Variants in SGCD observed in about 807,000 individuals in gnomAD.
SGCD encodes the protein sarcoglycan delta.
Under a neutral mutation model 36.6 loss-of-function variants are expected in SGCD, and 18 were observed. The observed-to-expected ratio is 0.49, with a 90% confidence interval of 0.34 to 0.73. The LOEUF is 0.73. Ranked by LOEUF, SGCD falls within the 30% of genes least tolerant of loss-of-function variation. The probability of loss-of-function intolerance (pLI) is 0.01; values close to 1 mark genes in which losing one functional copy is unlikely to be tolerated. For missense variants in SGCD, 387 were observed against 346.7 expected (o/e 1.12, Z -0.92); for synonymous variants, 133 against 130.6 (o/e 1.02, Z -0.12).
chr5:156,076,402 G>A (rs1372192398), intron 1 of SGCD, among the ~76,000 whole-genome samples: 1 of 151,936 alleles, frequency 6.6e-6, no homozygotes, highest in Non-Finnish European at 1.5e-5. Flanking sequence ...ATTTTATGTA[G>A]TGTATGATAT....
the SGCD span, among the ~76,000 whole-genome samples, chr5:155,768,248 T>TTTTTG: frequency 1.3e-5 from 2 of 149,676 alleles, no homozygotes; most frequent in Admixed American, 6.7e-5. Context: ...ATATTGGTAG[T>TTTTTG]TTTTGTTTTG....
chr5:156,261,407 C>A (rs1341351270), intron 3 of SGCD, among the ~76,000 whole-genome samples: 1 of 152,156 alleles, frequency 6.6e-6, no homozygotes, highest in African/African-American at 2.4e-5. Context: ...ACCACATATA[C>A]TATGGTGGCC....
At chr5:156,204,774 T>C (rs1561564117) in intron 3 of SGCD, among the ~76,000 whole-genome samples, 2 of 152,110 alleles carry the variant, frequency 1.3e-5, no homozygotes, top group South Asian at 4.1e-4. Context: ...ATCTTCACAA[T>C]TGGAGAGGCA....
chr5:156,091,894 G>A (rs1438213935), intron 1 of SGCD, among the ~76,000 whole-genome samples: 2 of 152,338 alleles, frequency 1.3e-5, no homozygotes, highest in South Asian at 2.1e-4. Context: ...CTAAAGGCAG[G>A]GGGCCACCCC....
chr5:156,135,660 C>T (rs1762438444), intron 3 of SGCD, among the ~76,000 whole-genome samples: 1 of 152,146 alleles, frequency 6.6e-6, no homozygotes, highest in Non-Finnish European at 1.5e-5. Flanking sequence ...AAAAGTTTAG[C>T]AAGCTACCAG....
intron 3 of SGCD, among the ~76,000 whole-genome samples, chr5:156,413,926 G>C (rs1372538785): frequency 6.6e-6 from 1 of 152,098 alleles, no homozygotes; most frequent in Non-Finnish European, 1.5e-5. Flanking sequence ...CTGAGGTTTT[G>C]GAGATGAAAG....
At chr5:156,174,978 C>A (rs1459599531) in intron 3 of SGCD, among the ~76,000 whole-genome samples, 2 of 152,026 alleles carry the variant, frequency 1.3e-5, no homozygotes, top group Non-Finnish European at 2.9e-5. Context: ...AAAAAAAGAT[C>A]AAAATGTAAG....
At chr5:156,410,121 G>T (rs1772660948) in intron 3 of SGCD, among the ~76,000 whole-genome samples, 1 of 152,070 alleles carries the variant, frequency 6.6e-6, no homozygotes, top group Non-Finnish European at 1.5e-5. Context: ...ATTCACAATT[G>T]CTAAGACATG....
intron 7 of SGCD, among the ~76,000 whole-genome samples, chr5:156,708,139 G>GTA (rs1754823079): frequency 1.3e-5 from 2 of 152,060 alleles, no homozygotes; most frequent in Non-Finnish European, 2.9e-5. Context: ...GAGCCTTTTG[G>GTA]TATGTAATAG....
intron 1 of SGCD, among the ~76,000 whole-genome samples, chr5:156,057,607 C>T (rs1760093392): frequency 6.9e-6 from 1 of 145,970 alleles, no homozygotes; most frequent in Admixed American, 6.8e-5. Context: ...AATTTCTGAC[C>T]CAGGTCTGAG....
In SGCD at chr5:156,369,969, C is replaced by T. The variant is rs191966024; in HGVS notation, c.192+25292C>T. ...CTACATCAAAATGGCCTTAATGGCC[C>T]TAGTCACAAGAGCTATTACAGGTTG... On this transcript the variant is annotated intron_variant, in intron 3 of 8. Transcript: ENST00000337851. Among the ~76,000 whole-genome samples, 5 of 152,242 alleles carry T rather than the reference C, an allele frequency of 3.3e-5. No homozygotes were observed. In the East Asian group the frequency reaches 9.7e-4, roughly 29 times the overall value.
At chr5:156,167,387 G>A (rs1009353395) in intron 3 of SGCD, among the ~76,000 whole-genome samples, 4 of 152,070 alleles carry the variant, frequency 2.6e-5, no homozygotes, top group African/African-American at 9.6e-5. Flanking sequence ...CTTCTCCCCA[G>A]TGTATCTCCT....
chr5:155,828,589 C>A, the SGCD span, among the ~76,000 whole-genome samples: 2 of 152,166 alleles, frequency 1.3e-5, no homozygotes, highest in African/African-American at 2.4e-5. Flanking sequence ...GAAGAACAAC[C>A]CTTCTTCTTC....
intron 1 of SGCD, among the ~76,000 whole-genome samples, chr5:155,892,248 G>A (rs955129861): frequency 2.0e-5 from 3 of 152,010 alleles, no homozygotes; most frequent in African/African-American, 4.8e-5. Flanking sequence ...ACGAGGTCAG[G>A]AAATCAAGAC....
chr5:156,655,289 C>T (rs1763628288), intron 7 of SGCD, among the ~76,000 whole-genome samples: 1 of 152,146 alleles, frequency 6.6e-6, no homozygotes, highest in Non-Finnish European at 1.5e-5. Flanking sequence ...CCTCAAACCT[C>T]TGTCTTGGCT....
At chr5:156,656,206 T>G (rs1763670207) in intron 7 of SGCD, among the ~76,000 whole-genome samples, 1 of 152,102 alleles carries the variant, frequency 6.6e-6, no homozygotes, top group African/African-American at 2.4e-5. Context: ...TTACATAAAA[T>G]TATTTAAATA....
At chr5:156,423,041 C>A (rs1200078600) in intron 3 of SGCD, among the ~76,000 whole-genome samples, 1 of 149,614 alleles carries the variant, frequency 6.7e-6, no homozygotes, top group Non-Finnish European at 1.5e-5. Context: ...AGACACAAAA[C>A]TCATGCTGCA....
chr5:155,775,156 T>C, the SGCD span, among the ~76,000 whole-genome samples: 1 of 152,274 alleles, frequency 6.6e-6, no homozygotes, highest in South Asian at 2.1e-4. Flanking sequence ...AAAGAAAACA[T>C]TTATTTTTAA....
At chr5:155,864,763 C>G in the SGCD span, among the ~76,000 whole-genome samples, 1 of 152,084 alleles carries the variant, frequency 6.6e-6, no homozygotes, top group Admixed American at 6.6e-5. Context: ...TGCATGTGTG[C>G]GTACACATTC....
Sources: gnomAD v4.1 joint callset for allele counts (sites outside exome capture counted in the v4.1 genomes callset) on GRCh38, gnomAD v4.1.1 for gene constraint, MANE v1.5 for transcripts, NCBI Gene and HGNC (gene_info 2026-07-23, HGNC 2026-07-21) for gene names.